GRM7: variants seen among roughly 807,000 people sequenced by gnomAD.
GRM7 encodes the protein glutamate metabotropic receptor 7.
Under a neutral mutation model 84.5 loss-of-function variants are expected in GRM7, and 35 were observed. The observed-to-expected ratio is 0.41, with a 90% CI of 0.32 to 0.55. The LOEUF is 0.55. Among genes scored for constraint, GRM7 ranks in the 20% least tolerant of loss-of-function variants. The pLI is 0.19. For synonymous variants in GRM7, 487 were observed against 455.1 expected, an observed-to-expected ratio of 1.07 and a Z score of -0.89; for missense variants, 1,003 against 1,194.6, an observed-to-expected ratio of 0.84 and a Z score of 2.36.
At chr3:6,936,787 C>T (rs556130733) in intron 1 of GRM7, among the ~76,000 whole-genome samples, 143 of 152,282 alleles carry the variant, frequency 9.4e-4, no homozygotes, top group Middle Eastern at 3.4e-3. Flanking sequence ...GTAGTAGATA[C>T]TTCATCATTT....
At position 6,861,530 on chromosome 3, in the gene GRM7, G is replaced by A. The variant is rs1232635752; in HGVS notation, c.142G>A (p.Asp48Asn). Residue 48 changes from aspartate (D) to asparagine (N), a missense_variant, in exon 1 of 10, where the codon GAC (aspartate) becomes AAC (asparagine). Physicochemically the swap from Asp to Asn is conservative, Grantham distance 23. Coordinates refer to ENST00000357716, the MANE Select transcript of GRM7 (RefSeq NM_000844.4). This position sits in a 1 kb window ranked among gnomAD's most constrained non-coding sequence, Gnocchi z 6.4. Reference protein sequence around the residue: ...YAPHSIRIEGDVTLGGLFPVH... With the variant: ...YAPHSIRIEGNVTLGGLFPVH... ...CCCGCACTCAATCCGGATCGAGGGGGACGTCACCCTCGGGGGGCTGTTCCC... is the reference window on the plus strand; with the variant it reads ...CCCGCACTCAATCCGGATCGAGGGGAACGTCACCCTCGGGGGGCTGTTCCC... 2.5e-6 allele frequency: 4 copies of A among 1,580,876 alleles called. No individual in the cohort carries two copies. The highest frequency in any genetic ancestry group is 1.3e-5 in the African/African-American group (1 of 74,138).
chr3:7,660,003 C>T (rs1458288826), intron 8 of GRM7, among the ~76,000 whole-genome samples: 4 of 152,144 alleles, frequency 2.6e-5, no homozygotes, highest in African/African-American at 9.7e-5. Context: ...ACAGAGAAAA[C>T]TGAAGTTCTG....
At chr3:7,387,730 A>G (rs944909411) in intron 4 of GRM7, among the ~76,000 whole-genome samples, 1 of 152,166 alleles carries the variant, frequency 6.6e-6, no homozygotes, top group African/African-American at 2.4e-5. Flanking sequence ...TGATGCCTAC[A>G]GCTTTATTCT....
In GRM7 at chr3:7,229,757, ATAT is replaced by A. The variant is rs1559514742; in HGVS notation, c.737-68925_737-68923del. ...TATATATATATATATATATATATATATATTTTTTTTTTTTTTTGGTTGACAGGT... is the reference window on the plus strand; with the variant it reads ...TATATATATATATATATATATATATATTTTTTTTTTTTTTGGTTGACAGGT... On this transcript the variant is annotated intron_variant, in intron 2 of 9. Coordinates refer to ENST00000357716, the MANE Select transcript of GRM7 (RefSeq NM_000844.4). Among the ~76,000 whole-genome samples the A allele has an allele frequency of 2.0e-3, 53 of 26,866 alleles. 1 individual carries two copies. The highest frequency in any genetic ancestry group is 3.4e-3 in the African/African-American group (24 of 7,054). 17.6% of individuals were successfully genotyped at this position (26,866 alleles called of 152,430 possible). A position where few individuals can be genotyped will look rare whatever the true frequency, so the allele number is the denominator to read the frequency against.
chr3:6,864,389 G>A (rs930327048), intron 1 of GRM7, among the ~76,000 whole-genome samples: 7 of 152,008 alleles, frequency 4.6e-5, no homozygotes, highest in African/African-American at 1.2e-4. Context: ...GATCTTAGAC[G>A]CTCCTGTCAT....
intron 1 of GRM7, among the ~76,000 whole-genome samples, chr3:7,050,944 A>G (rs1004867493): frequency 6.6e-6 from 1 of 151,858 alleles, no homozygotes; most frequent in African/African-American, 2.4e-5. Context: ...ACTTGGTTAA[A>G]TATGCTTACA....
intron 1 of GRM7, among the ~76,000 whole-genome samples, chr3:6,866,570 A>G (rs1311574557): frequency 6.6e-6 from 1 of 152,112 alleles, no homozygotes; most frequent in Non-Finnish European, 1.5e-5. Context: ...TTACTTCTCA[A>G]TCATATATAT....
At chr3:7,252,194 C>T (rs1397855109) in intron 2 of GRM7, among the ~76,000 whole-genome samples, 2 of 152,072 alleles carry the variant, frequency 1.3e-5, no homozygotes, top group African/African-American at 2.4e-5. Flanking sequence ...AATTTGTTAC[C>T]GAGAGGCAAG....
chr3:7,043,988 G>A (rs1696717315), intron 1 of GRM7, among the ~76,000 whole-genome samples: 1 of 152,114 alleles, frequency 6.6e-6, no homozygotes, highest in Admixed American at 6.5e-5. Flanking sequence ...TCAAGCTTTT[G>A]CATTTTGTAT....
At chr3:7,546,161 TC>T (rs1050760523) in intron 7 of GRM7, among the ~76,000 whole-genome samples, 29 of 152,294 alleles carry the variant, frequency 1.9e-4, no homozygotes, top group African/African-American at 7.0e-4. Context: ...ATGAGGACAC[TC>T]CCCTATCCTC....
At chr3:7,451,536 G>A (rs1218754361) in intron 5 of GRM7, among the ~76,000 whole-genome samples, 1 of 152,130 alleles carries the variant, frequency 6.6e-6, no homozygotes, top group African/African-American at 2.4e-5. Context: ...GAAGAATAAA[G>A]GAAAATAAAT....
chr3:6,877,788 A>G (rs368851479), intron 1 of GRM7, among the ~76,000 whole-genome samples: 1 of 149,386 alleles, frequency 6.7e-6, no homozygotes, highest in East Asian at 2.0e-4. Context: ...GGATATATAT[A>G]CACATATACC....
At chr3:6,893,392 C>G (rs577464532) in intron 1 of GRM7, among the ~76,000 whole-genome samples, 1 of 152,276 alleles carries the variant, frequency 6.6e-6, no homozygotes, top group Non-Finnish European at 1.5e-5. Context: ...ACTCTCATAT[C>G]TGTCATTGGT....
chr3:7,402,238 A>C (rs1413426899), intron 4 of GRM7, among the ~76,000 whole-genome samples: 1 of 152,222 alleles, frequency 6.6e-6, no homozygotes, highest in African/African-American at 2.4e-5. Context: ...TGGTTGGCAC[A>C]GATAAGGTTA....
At chr3:7,005,236 C>T (rs1268115015) in intron 1 of GRM7, among the ~76,000 whole-genome samples, 1 of 152,202 alleles carries the variant, frequency 6.6e-6, no homozygotes, top group Non-Finnish European at 1.5e-5. Flanking sequence ...GCTAGGCTAC[C>T]TTCTGTGAAA....
intron 1 of GRM7, among the ~76,000 whole-genome samples, chr3:6,910,022 T>C (rs1335638440): frequency 6.6e-6 from 1 of 152,066 alleles, no homozygotes; most frequent in Non-Finnish European, 1.5e-5. Flanking sequence ...ATATAGGATT[T>C]TATCTATATA....
rs35567248 is a variant in GRM7 at position 7,519,360 on chromosome 3, TA to T, written c.1515+57652del. On this transcript the variant is annotated intron_variant, in intron 7 of 9. Transcript: ENST00000357716. ...CTGGTTGACAAAGAGAGACCCTGTC[TA>T]AAAAAAAAAAAAATGCCAAACATAT... Among the ~76,000 whole-genome samples, 1,042 of 140,388 alleles carry T rather than the reference TA, an allele frequency of 7.4e-3. 6 individuals are homozygous for T. Among genetic ancestry groups the T allele is most frequent in the African/African-American group, 0.015 (562 of 37,860 alleles). 92.1% of individuals were successfully genotyped at this position (140,388 alleles called of 152,430 possible). A position where few individuals can be genotyped will look rare whatever the true frequency, so the allele number is the denominator to read the frequency against.
chr3:7,672,479 C>A (rs983209855), intron 8 of GRM7, among the ~76,000 whole-genome samples: 1 of 152,158 alleles, frequency 6.6e-6, no homozygotes, highest in African/African-American at 2.4e-5. Flanking sequence ...CTTCTCTGAT[C>A]CCATCCATAG....
At chr3:7,273,365 A>G (rs892209411) in intron 2 of GRM7, among the ~76,000 whole-genome samples, 2 of 152,130 alleles carry the variant, frequency 1.3e-5, no homozygotes, top group Non-Finnish European at 2.9e-5. Context: ...TGCCGATTCT[A>G]TGTAGTTGAC....
Sources: gnomAD v4.1 joint callset for allele counts (sites outside exome capture counted in the v4.1 genomes callset) on GRCh38, gnomAD v4.1.1 for gene constraint, Gnocchi (gnomAD v3.1) non-coding constraint, MANE v1.5 for transcripts, NCBI Gene and HGNC (gene_info 2026-07-23, HGNC 2026-07-21) for gene names.